The following ZNF385D variants were observed in gnomAD, a reference collection of about 807,000 sequenced individuals.
ZNF385D encodes the protein zinc finger protein 385D, also known as zinc finger protein 659.
A neutral mutation model predicts 35.8 loss-of-function variants in ZNF385D; 15 were observed. The ratio of observed to expected loss-of-function variants is 0.42; its 90% CI spans 0.28 to 0.64. The LOEUF is 0.64. ZNF385D is among the 30% of genes least tolerant of loss of function. The pLI is 0.23. For synonymous variants in ZNF385D, 212 were observed against 186.8 expected, an observed-to-expected ratio of 1.13 and a Z score of -1.10; for missense variants, 474 against 494.6, an observed-to-expected ratio of 0.96 and a Z score of 0.39.
At chr3:21,963,276 G>C (rs1419894572) in intron 3 of ZNF385D, among the ~76,000 whole-genome samples, 1 of 152,108 alleles carries the variant, frequency 6.6e-6, no homozygotes, top group African/African-American at 2.4e-5. Context: ...GGTAGCATTG[G>C]GTCTATGTGA....
At chr3:21,909,763 C>T (rs1699872156) in intron 3 of ZNF385D, among the ~76,000 whole-genome samples, 1 of 151,924 alleles carries the variant, frequency 6.6e-6, no homozygotes, top group African/African-American at 2.4e-5. Flanking sequence ...TCAAAAGACA[C>T]CACTTAAATT....
At chr3:22,106,760 A>G (rs1029641719) in intron 3 of ZNF385D, among the ~76,000 whole-genome samples, 32 of 152,156 alleles carry the variant, frequency 2.1e-4, no homozygotes, top group African/African-American at 7.7e-4. Context: ...ACGCAACTGG[A>G]TCTGTAACTT....
At chr3:21,632,927 T>C (rs2065322731) in intron 2 of ZNF385D, among the ~76,000 whole-genome samples, 1 of 152,140 alleles carries the variant, frequency 6.6e-6, no homozygotes, top group Non-Finnish European at 1.5e-5. Flanking sequence ...ATTTTATTTA[T>C]TTACTTGATG....
chr3:21,651,372 ACT>A (rs1428565947), intron 2 of ZNF385D, among the ~76,000 whole-genome samples: 3 of 150,610 alleles, frequency 2.0e-5, no homozygotes, highest in Non-Finnish European at 4.4e-5. Context: ...TTATGTTCTG[ACT>A]CAGGTTATTT....
chr3:21,766,062 C>G (rs1001281723), intron 3 of ZNF385D, among the ~76,000 whole-genome samples: 2 of 151,556 alleles, frequency 1.3e-5, no homozygotes, highest in African/African-American at 4.8e-5. Context: ...AGATAGTGGC[C>G]GAAAGGAAAA....
chr3:22,020,401 T>C (rs1697153919), intron 3 of ZNF385D, among the ~76,000 whole-genome samples: 1 of 151,920 alleles, frequency 6.6e-6, no homozygotes, highest in African/African-American at 2.4e-5. Context: ...TAAGACAAGA[T>C]AAGTTCTGTG....
chr3:22,129,343 G>C (rs1220714221), intron 3 of ZNF385D, among the ~76,000 whole-genome samples: 1 of 152,102 alleles, frequency 6.6e-6, no homozygotes, highest in African/African-American at 2.4e-5. Context: ...ATACTGCTGA[G>C]TTTGTTCAAG....
intron 3 of ZNF385D, among the ~76,000 whole-genome samples, chr3:22,107,175 C>T (rs370862409): frequency 1.3e-5 from 2 of 151,856 alleles, no homozygotes; most frequent in Non-Finnish European, 2.9e-5. Context: ...AGGCATGTGC[C>T]ACCACACCTA....
At chr3:21,656,221 T>C (rs1407233778) in intron 2 of ZNF385D, among the ~76,000 whole-genome samples, 3 of 151,954 alleles carry the variant, frequency 2.0e-5, no homozygotes. Context: ...TTCCAGCAAG[T>C]GTGGGTAGGC....
intron 2 of ZNF385D, among the ~76,000 whole-genome samples, chr3:22,351,139 C>G (rs1433114482): frequency 6.6e-6 from 1 of 151,944 alleles, no homozygotes; most frequent in Admixed American, 6.6e-5. Context: ...TTTAAAAAAG[C>G]AATTAGCCTG....
intron 3 of ZNF385D, among the ~76,000 whole-genome samples, chr3:21,801,935 T>A (rs927257414): frequency 1.3e-5 from 2 of 152,206 alleles, no homozygotes; most frequent in African/African-American, 4.8e-5. Context: ...CCGTTTCTAA[T>A]GAAGCCATGG....
At chr3:22,311,382 G>C (rs2125428388) in intron 2 of ZNF385D, among the ~76,000 whole-genome samples, 1 of 151,930 alleles carries the variant, frequency 6.6e-6, no homozygotes, top group East Asian at 1.9e-4. Flanking sequence ...GTTGCTTTTT[G>C]GGTTAATATT....
chr3:21,786,725 T>TA (rs1344047912), intron 3 of ZNF385D, among the ~76,000 whole-genome samples: 1 of 152,222 alleles, frequency 6.6e-6, no homozygotes, highest in African/African-American at 2.4e-5. Context: ...TGCATCTAAG[T>TA]AATTTTTTTA....
chr3:22,317,037 G>A (rs763039755), intron 2 of ZNF385D, among the ~76,000 whole-genome samples: 1 of 151,948 alleles, frequency 6.6e-6, no homozygotes, highest in Non-Finnish European at 1.5e-5. Flanking sequence ...GAACACTTTG[G>A]GAGGCCGAGG....
chr3:22,206,064 C>T (rs1697130193), intron 2 of ZNF385D, among the ~76,000 whole-genome samples: 1 of 151,678 alleles, frequency 6.6e-6, no homozygotes, highest in African/African-American at 2.4e-5. Flanking sequence ...GACACACATG[C>T]TGAAAATAAA....
At chr3:22,166,969 A>C (rs1270088466) in intron 3 of ZNF385D, among the ~76,000 whole-genome samples, 1 of 152,206 alleles carries the variant, frequency 6.6e-6, no homozygotes, top group Non-Finnish European at 1.5e-5. Context: ...TAAGGAGTAG[A>C]TTTTTCTTAA....
At chr3:21,787,747 A>G (rs1331716819) in intron 3 of ZNF385D, among the ~76,000 whole-genome samples, 2 of 152,134 alleles carry the variant, frequency 1.3e-5, no homozygotes, top group Admixed American at 1.3e-4. Flanking sequence ...CATGAAAAGC[A>G]GAGGCCAAAA....
chr3:21,916,526 A>G (rs1700199991), intron 3 of ZNF385D, among the ~76,000 whole-genome samples: 1 of 152,320 alleles, frequency 6.6e-6, no homozygotes, highest in South Asian at 2.1e-4. Context: ...CCCCAAAGTC[A>G]CTATTTTAAC....
At chr3:21,561,975 A>G (rs1193178176) in intron 3 of ZNF385D, 5 of 152,190 alleles carry the variant, frequency 3.3e-5, no homozygotes, top group Non-Finnish European at 7.3e-5. Context: ...GCAATAGAAG[A>G]CTAATACAAT....
Sources: gnomAD v4.1 joint callset for allele counts (sites outside exome capture counted in the v4.1 genomes callset) on GRCh38, gnomAD v4.1.1 for gene constraint, MANE v1.5 for transcripts, NCBI Gene and HGNC (gene_info 2026-07-23, HGNC 2026-07-21) for gene names.